ZNF688: variants seen among roughly 807,000 people sequenced by gnomAD.
ZNF688 encodes the protein zinc finger protein 688.
ZNF688 carries 10 observed loss-of-function variants against 13.2 expected under a neutral mutation model. That is an observed-to-expected ratio of 0.76 (90% CI 0.47 to 1.28). ZNF688 has a LOEUF of 1.28. Ranked by LOEUF, ZNF688 falls within the 50% of genes most tolerant of loss-of-function variation. The probability of loss-of-function intolerance (pLI) is 0.00; values close to 1 mark genes in which losing one functional copy is unlikely to be tolerated. For missense variants in ZNF688, 381 were observed against 391.4 expected (o/e 0.97, Z 0.22); for synonymous variants, 160 against 159.4 (o/e 1.00, Z -0.03).
In ZNF688 at chr16:30,571,543, C is replaced by A. The variant is rs779329150; in HGVS notation, c.87G>T (p.Ala29=). The change falls in exon 1 of 3, where the codon GCG becomes GCT. Residue 29 remains alanine, a synonymous_variant. Coordinates refer to ENST00000223459, the MANE Select transcript of ZNF688 (RefSeq NM_145271.4). ...GCRKPGTVSF[A]DVAVYFSPEE... is the part of the protein sequence containing the mutation. The stretch of plus-strand genomic sequence containing the variant: ...CCGGGGAGAAGTACACGGCCACGTC[C>A]GCGAAGCTCACAGTCCCGGGCTTCC... 1 of 1,584,678 alleles carries A rather than the reference C, an allele frequency of 6.3e-7. No homozygotes were observed. Among genetic ancestry groups the A allele is most frequent in the East Asian group, 2.3e-5 (1 of 43,202 alleles).
upstream of ZNF688, chr16:30,573,772 C>A: frequency 4.4e-6 from 1 of 228,192 alleles, no homozygotes; most frequent in Non-Finnish European, 8.9e-6. Flanking sequence ...TCCTGCTGAT[C>A]TCATATGCAT....
At position 30,570,355 on chromosome 16, in the gene ZNF688, C is replaced by A. The variant is rs33997546; in HGVS notation, c.392G>T (p.Ser131Ile). The A allele has an allele frequency of 8.7e-3, 14,024 of 1,614,076 alleles. 135 individuals carry two copies. The highest frequency in any genetic ancestry group is 0.028 in the African/African-American group (2,138 of 75,056). ...GTTGCGTTCCACCAGCACTTCAGGACTCTCCTTCACAGGAGCCTTTCTAGG... is the reference window on the plus strand; with the variant it reads ...GTTGCGTTCCACCAGCACTTCAGGAATCTCCTTCACAGGAGCCTTTCTAGG... Reference protein sequence around the residue: ...KGPRKAPVKESPEVLVERNPD... With the variant: ...KGPRKAPVKEIPEVLVERNPD... Residue 131 changes from serine (S) to isoleucine (I), a missense_variant, in exon 3 of 3, where the codon AGT (serine) becomes ATT (isoleucine). Transcript: ENST00000223459.
chr16:30,570,063 C>T lies in ZNF688; in HGVS notation c.684G>A (p.Ala228=), dbSNP rs746245485. 6.2e-7 allele frequency: 1 copy of T among 1,610,774 alleles called. No individual in the cohort carries two copies. Among genetic ancestry groups the T allele is most frequent in the African/African-American group, 1.3e-5 (1 of 74,978 alleles). ...MRFKRKFAVE[A]HQWIHRSCSG... ...AGCAGGAGCGGTGGATCCACTGGTG[C>T]GCTTCCACTGCGAACTTCCTCTTGA... Residue 228 remains alanine, a synonymous_variant, in exon 3 of 3, where the codon GCG becomes GCA. Transcript: ENST00000223459.
At chr16:30,575,975 C>G (rs2051742204), upstream of ZNF688, among the ~76,000 whole-genome samples, 1 of 152,018 alleles carries the variant, frequency 6.6e-6, no homozygotes, top group African/African-American at 2.4e-5. Flanking sequence ...CTTCTCTTAG[C>G]ATCCTTGCCA....
chr16:30,571,492 C>T lies in ZNF688; in HGVS notation c.138G>A (p.Ala46=), dbSNP rs776956682. 3 of 1,590,526 alleles carry T rather than the reference C, an allele frequency of 1.9e-6. No individual in the cohort carries two copies. Among genetic ancestry groups the T allele is most frequent in the Non-Finnish European group, 2.6e-6 (3 of 1,169,616 alleles). ...TCACGTCCCGGTACAGAGCCCTCTG[C>T]GCGGGCCGCAGACAGCCCCACTCCT... ...SPEEWGCLRP[A]QRALYRDVMQ... Residue 46 remains alanine (A), a synonymous_variant, in exon 1 of 3, where the codon GCG becomes GCA. Coordinates refer to ENST00000223459, the MANE Select transcript of ZNF688 (RefSeq NM_145271.4).
upstream of ZNF688, among the ~76,000 whole-genome samples, chr16:30,576,797 C>T (rs951885724): frequency 2.6e-5 from 4 of 152,026 alleles, no homozygotes; most frequent in Admixed American, 6.6e-5. Flanking sequence ...GAGACAGGTT[C>T]TCACTCTGTC....
chr16:30,570,235 A>G lies in ZNF688; in HGVS notation c.512T>C (p.Ile171Thr), dbSNP rs753487126. The change falls in exon 3 of 3, where the codon ATA becomes ACA. Residue 171 changes from isoleucine (I) to threonine (T), a missense_variant. By Grantham distance (89) the Ile-to-Thr change is moderately conservative. Coordinates refer to ENST00000223459, the MANE Select transcript of ZNF688 (RefSeq NM_145271.4). ...PTTGAQPPAP[I>T]PSMDAQAGQR... ...GCCGGCCTGAGCATCCATGCTGGGT[A>G]TGGGTGCCGGGGGCTGTGCTCCTGT... 1 of 1,613,500 alleles carries G rather than the reference A, an allele frequency of 6.2e-7. No individual in the cohort carries two copies. The highest frequency in any genetic ancestry group is 1.1e-5 in the South Asian group (1 of 91,048).
rs757374797 is a variant in ZNF688 at position 30,570,401 on chromosome 16, C to G, written c.346G>C (p.Glu116Gln). 3.1e-6 allele frequency: 5 copies of G among 1,613,322 alleles called. No homozygotes were observed. The African/African-American group carries it at 4.0e-5, about 13-fold the overall frequency. Reference protein sequence around the residue: ...VPNRKEEEPEEVPRAKGPRKA... With the variant: ...VPNRKEEEPEQVPRAKGPRKA... ...CTAGGCCCTTTGGCTCTTGGGACTTCCTCCGGTTCCTCTTCCTTCCTGTTT... is the reference window on the plus strand; with the variant it reads ...CTAGGCCCTTTGGCTCTTGGGACTTGCTCCGGTTCCTCTTCCTTCCTGTTT... Residue 116 changes from glutamate (E) to glutamine (Q), a missense_variant, in exon 3 of 3, where the codon GAA becomes CAA. Physicochemically the swap from Glu to Gln is conservative, Grantham distance 29. Coordinates refer to ENST00000223459, the MANE Select transcript of ZNF688 (RefSeq NM_145271.4).
At chr16:30,579,675 C>G in the ZNF688 span, 2 of 411,250 alleles carry the variant, frequency 4.9e-6, no homozygotes, top group Non-Finnish European at 9.9e-6. Flanking sequence ...CCACCGTGCC[C>G]GGCACCAGTT....
chr16:30,569,956 A>C lies in ZNF688; in HGVS notation c.791T>G (p.Leu264Arg), dbSNP rs747742857. The part of the protein sequence containing the change: ...PVRGDRDPPV[L>R]FRHYPDIFEE... ...GAAGATGTCTGGGTAGTGCCGGAAG[A>C]GCACAGGCGGGTCCCGGTCACCTCG... Residue 264 changes from leucine (L) to arginine (R), a missense_variant, in exon 3 of 3, where the codon CTC becomes CGC. Physicochemically the swap from Leu to Arg is moderately radical, Grantham distance 102. Transcript: ENST00000223459. 5.7e-6 allele frequency: 9 copies of C among 1,586,368 alleles called. No homozygotes were observed. Among genetic ancestry groups the C allele is most frequent in the Non-Finnish European group, 7.7e-6 (9 of 1,167,652 alleles).
At chr16:30,579,895 T>C in the ZNF688 span, 43 of 453,672 alleles carry the variant, frequency 9.5e-5, no homozygotes, top group Admixed American at 4.5e-4. Flanking sequence ...TTTGTTTTGT[T>C]TTGTTTTTTG....
Sources: allele counts gnomAD v4.1 joint callset (sites outside exome capture counted in the v4.1 genomes callset), GRCh38; gene constraint gnomAD v4.1.1; transcripts MANE v1.5; gene names NCBI Gene and HGNC (gene_info 2026-07-23, HGNC 2026-07-21).